The following ZNF214 variants were observed in gnomAD, a reference collection of about 807,000 sequenced individuals.
ZNF214 encodes the protein zinc finger protein 214.
ZNF214 carries 43 observed loss-of-function variants against 53.9 expected under a neutral mutation model. The ratio of observed to expected loss-of-function variants is 0.80; its 90% CI spans 0.63 to 1.03. The LOEUF is 1.03. Among genes scored for constraint, ZNF214 ranks in the 50% least tolerant of loss-of-function variants. The probability of loss-of-function intolerance (pLI) is 0.00; values close to 1 mark genes in which losing one functional copy is unlikely to be tolerated. For missense variants in ZNF214, 724 were observed against 719.1 expected, an observed-to-expected ratio of 1.01 and a Z score of -0.08; for synonymous variants, 217 against 229.5, an observed-to-expected ratio of 0.95 and a Z score of 0.49.
chr11:7,004,915 C>G (rs1165914785), intron 1 of ZNF214, among the ~76,000 whole-genome samples: 3 of 151,940 alleles, frequency 2.0e-5, no homozygotes, highest in Admixed American at 6.6e-5. Context: ...ATAATGTTTG[C>G]TGTTTTAAGT....
intron 1 of ZNF214, among the ~76,000 whole-genome samples, chr11:7,004,829 C>T (rs191313831): frequency 6.6e-6 from 1 of 152,102 alleles, no homozygotes; most frequent in Non-Finnish European, 1.5e-5. Context: ...CTGCTGACAG[C>T]TTCACTGCAA....
chr11:7,005,239 C>G (rs1426319573), intron 1 of ZNF214, among the ~76,000 whole-genome samples: 3 of 151,810 alleles, frequency 2.0e-5, no homozygotes, highest in Non-Finnish European at 4.4e-5. Context: ...CTAAAAAATA[C>G]TACAAAATGT....
At position 6,999,937 on chromosome 11, in the gene ZNF214, G is replaced by T; in HGVS notation, c.1746C>A (p.Tyr582Ter). 1.2e-6 allele frequency: 2 copies of T among 1,612,930 alleles called. No individual in the cohort carries two copies. The highest frequency in any genetic ancestry group is 1.7e-6 in the Non-Finnish European group (2 of 1,179,348). ...ATCCCTTATAATATTCACGGCATTT[G>T]TAAGGTTTCTCTCCTGCATGGACTC... is the stretch of plus-strand genomic sequence containing the variant. Reference protein sequence around the residue: ...HQRVHAGEKPYKCREYYKGFD... With the variant: ...HQRVHAGEKP The change falls in exon 3 of 3, where the codon TAC (tyrosine) becomes TAA (stop). Residue 582 changes from tyrosine (Y) to a stop codon, truncating the protein, a stop_gained. Coordinates refer to ENST00000278314, the MANE Select transcript of ZNF214 (RefSeq NM_013249.4). LOFTEE classifies it high-confidence loss of function.
chr11:7,003,636 G>C (rs570234569), intron 1 of ZNF214, among the ~76,000 whole-genome samples: 12 of 152,004 alleles, frequency 7.9e-5, no homozygotes, highest in African/African-American at 2.9e-4. Flanking sequence ...ATAAAAGTGA[G>C]ATAAATTAAA....
chr11:7,006,074 A>G (rs1244460427), intron 1 of ZNF214, among the ~76,000 whole-genome samples: 1 of 152,044 alleles, frequency 6.6e-6, no homozygotes, highest in Non-Finnish European at 1.5e-5. Flanking sequence ...ATGGATTGCA[A>G]TTAAATTGCA....
At chr11:7,019,662 C>G (rs1334302478) in intron 1 of ZNF214, 7 of 152,186 alleles carry the variant, frequency 4.6e-5, no homozygotes, top group African/African-American at 1.2e-4. Context: ...TTATAGATCT[C>G]CAAGATCTCA....
Position 6,997,093 on chromosome 11 carries a change from T to C in ZNF214, c.*2769A>G, listed in dbSNP as rs932020236. 6.6e-6 allele frequency among the ~76,000 whole-genome samples: 1 copy of C among 151,940 alleles called. No homozygotes were observed. The highest frequency in any genetic ancestry group is 1.9e-4 in the East Asian group (1 of 5,184). Reference sequence around the variant, plus strand: ...ACTCCTCTAGTCAAGTCCTCTTTTATATTTCCCCGTTTTTTATTATTTTCA... The same window carrying C: ...ACTCCTCTAGTCAAGTCCTCTTTTACATTTCCCCGTTTTTTATTATTTTCA... On this transcript the variant is annotated 3_prime_UTR_variant, in exon 3 of 3. Transcript: ENST00000278314.
intron 1 of ZNF214, among the ~76,000 whole-genome samples, chr11:7,007,797 T>C (rs1851507148): frequency 6.6e-6 from 1 of 151,978 alleles, no homozygotes; most frequent in South Asian, 2.1e-4. Context: ...CTCTACACCA[T>C]CAAAATACAA....
intron 1 of ZNF214, among the ~76,000 whole-genome samples, chr11:7,018,857 C>A (rs992835196): frequency 2.0e-5 from 3 of 152,114 alleles, no homozygotes; most frequent in African/African-American, 7.2e-5. Context: ...GAATTATACA[C>A]TAGACTTGAG....
intron 1 of ZNF214, among the ~76,000 whole-genome samples, chr11:7,003,119 A>G (rs1030792063): frequency 3.9e-5 from 6 of 152,128 alleles, no homozygotes; most frequent in Admixed American, 6.6e-5. Flanking sequence ...CAGAAATCCC[A>G]TGTTGTAGGT....
At chr11:7,013,952 C>T (rs1851681974) in intron 1 of ZNF214, among the ~76,000 whole-genome samples, 1 of 152,140 alleles carries the variant, frequency 6.6e-6, no homozygotes, top group Non-Finnish European at 1.5e-5. Context: ...TATTAAAATT[C>T]AACATGCATC....
At chr11:7,008,662 A>C (rs545795371) in intron 1 of ZNF214, among the ~76,000 whole-genome samples, 110 of 152,246 alleles carry the variant, frequency 7.2e-4, no homozygotes, top group African/African-American at 2.5e-3. Flanking sequence ...TTTGCAGATG[A>C]CATGATTCCA....
At chr11:7,014,954 G>A (rs1240877919) in intron 1 of ZNF214, among the ~76,000 whole-genome samples, 2 of 151,748 alleles carry the variant, frequency 1.3e-5, no homozygotes, top group East Asian at 1.9e-4. Context: ...GTGAGTGTCC[G>A]TGTTATTATA....
chr11:7,007,862 C>G (rs1851509831), intron 1 of ZNF214, among the ~76,000 whole-genome samples: 1 of 97,932 alleles, frequency 1.0e-5, no homozygotes, highest in African/African-American at 3.0e-5. Flanking sequence ...ATGTATTAGT[C>G]CATAAAAGAA....
At position 7,000,937 on chromosome 11, in the gene ZNF214, C is replaced by A; in HGVS notation, c.746G>T (p.Cys249Phe). ...RNQPGENLCQ[C>F]SICKACFSQR... ...AGAGAAGCATGCTTTACAGATGGAG[C>A]ATTGACAGAGGTTTTCTCCAGGTTG... is the stretch of plus-strand genomic sequence containing the variant. The change falls in exon 3 of 3, where the codon TGC becomes TTC. Residue 249 changes from cysteine (C) to phenylalanine (F), a missense_variant. By Grantham distance (205) the Cys-to-Phe change is radical (BLOSUM62 -2). Transcript: ENST00000278314. 1 of 1,613,010 alleles carries A rather than the reference C, an allele frequency of 6.2e-7. No homozygotes were observed. The highest frequency in any genetic ancestry group is 8.5e-7 in the Non-Finnish European group (1 of 1,179,546).
At position 6,997,529 on chromosome 11, in the gene ZNF214, A is replaced by G. The variant is rs1564985271; in HGVS notation, c.*2333T>C. Among the ~76,000 whole-genome samples, 1 of 149,560 alleles carries G rather than the reference A, an allele frequency of 6.7e-6. No homozygotes were observed. The highest frequency in any genetic ancestry group is 1.5e-5 in the Non-Finnish European group (1 of 67,370). ...ATAATTTTTGCTTTTATCTTCTCCCATTTTGAAAGGTATATGCACTTTTTT... is the reference window on the plus strand; with the variant it reads ...ATAATTTTTGCTTTTATCTTCTCCCGTTTTGAAAGGTATATGCACTTTTTT... On this transcript the variant is annotated 3_prime_UTR_variant, in exon 3 of 3. Transcript: ENST00000278314.
intron 1 of ZNF214, among the ~76,000 whole-genome samples, chr11:7,017,173 G>A (rs975831275): frequency 6.6e-6 from 1 of 152,120 alleles, no homozygotes; most frequent in Non-Finnish European, 1.5e-5. Context: ...CCCTACTAAG[G>A]ATTAAAAAGG....
At position 7,000,980 on chromosome 11, in the gene ZNF214, C is replaced by T. The variant is rs990672413; in HGVS notation, c.703G>A (p.Val235Ile). 1.2e-6 allele frequency: 2 copies of T among 1,612,984 alleles called. No individual in the cohort carries two copies. The highest frequency in any genetic ancestry group is 1.7e-4 in the Middle Eastern group (1 of 6,058). The change falls in exon 3 of 3, where the codon GTT (valine) becomes ATT (isoleucine). Residue 235 changes from valine (V) to isoleucine (I), a missense_variant. Coordinates refer to ENST00000278314, the MANE Select transcript of ZNF214 (RefSeq NM_013249.4). ...KGIYYWNSRC[V>I]FHKRNQPGEN... ...CCAGGTTGATTTCTCTTGTGGAAAACACACCGTGAGTTCCAATAATAAATT... is the reference window on the plus strand; with the variant it reads ...CCAGGTTGATTTCTCTTGTGGAAAATACACCGTGAGTTCCAATAATAAATT...
chr11:6,999,080 G>C lies in ZNF214; in HGVS notation c.*782C>G, dbSNP rs1488547740. Among the ~76,000 whole-genome samples the C allele has an allele frequency of 6.6e-6, 1 of 151,882 alleles. No homozygotes were observed. The highest frequency in any genetic ancestry group is 1.5e-5 in the Non-Finnish European group (1 of 67,910). On this transcript the variant is annotated 3_prime_UTR_variant, in exon 3 of 3. Transcript: ENST00000278314. ...TTGGATCTCTAATTCCGAACCAATG[G>C]AGTATCTTCCATTTCTAGCACTTTT... is the stretch of plus-strand genomic sequence containing the variant.
Sources: gnomAD v4.1 joint callset for allele counts (sites outside exome capture counted in the v4.1 genomes callset) on GRCh38, gnomAD v4.1.1 for gene constraint, MANE v1.5 for transcripts, NCBI Gene and HGNC (gene_info 2026-07-23, HGNC 2026-07-21) for gene names.